The following TTC33 variants were observed in gnomAD, a reference collection of about 807,000 sequenced individuals.
The protein encoded by TTC33 is tetratricopeptide repeat domain 33.
A neutral mutation model predicts 29.4 loss-of-function variants in TTC33; 24 were observed. That is an observed-to-expected ratio of 0.82 (90% CI 0.59 to 1.15). The LOEUF is 1.15. Ranked by LOEUF, TTC33 falls within the 50% of genes most tolerant of loss-of-function variation. The pLI is 0.00. For synonymous variants in TTC33, 107 were observed against 100.3 expected, an observed-to-expected ratio of 1.07 and a Z score of -0.40; for missense variants, 286 against 310.4, an observed-to-expected ratio of 0.92 and a Z score of 0.59.
intron 1 of TTC33, among the ~76,000 whole-genome samples, chr5:40,748,811 A>G (rs1197911257): frequency 6.6e-6 from 1 of 152,212 alleles, no homozygotes; most frequent in Non-Finnish European, 1.5e-5. Context: ...TAAACGACTT[A>G]ACTCACAAAA....
chr5:40,732,170 C>T (rs1742445529), intron 2 of TTC33, among the ~76,000 whole-genome samples: 1 of 152,050 alleles, frequency 6.6e-6, no homozygotes, highest in South Asian at 2.1e-4. Context: ...CCACTATGGC[C>T]AGCTAATTTT....
chr5:40,732,528 T>G (rs1378124936), intron 2 of TTC33, among the ~76,000 whole-genome samples: 2 of 151,870 alleles, frequency 1.3e-5, no homozygotes, highest in African/African-American at 2.4e-5. Context: ...TCTAATGAGT[T>G]CAGGAACCAA....
intron 2 of TTC33, among the ~76,000 whole-genome samples, chr5:40,744,472 T>C (rs930086409): frequency 6.3e-5 from 9 of 143,392 alleles, no homozygotes; most frequent in Admixed American, 5.8e-4. Context: ...AGAAATCTTA[T>C]CACCACTCTT....
intron 3 of TTC33, among the ~76,000 whole-genome samples, chr5:40,729,914 G>T (rs1304349539): frequency 3.3e-5 from 5 of 152,148 alleles, no homozygotes; most frequent in Non-Finnish European, 7.3e-5. Context: ...GGTCAGGGTG[G>T]TCTCGAACTT....
chr5:40,747,504 C>T (rs1237693724), intron 1 of TTC33, among the ~76,000 whole-genome samples: 1 of 152,142 alleles, frequency 6.6e-6, no homozygotes, highest in African/African-American at 2.4e-5. Context: ...GACAACTGGA[C>T]ATCACACACC....
At chr5:40,741,850 G>A (rs531861371) in intron 2 of TTC33, among the ~76,000 whole-genome samples, 49 of 152,128 alleles carry the variant, frequency 3.2e-4, no homozygotes, top group African/African-American at 4.6e-4. Flanking sequence ...TTAGCCAGGC[G>A]TGGTGGCACA....
intron 4 of TTC33, among the ~76,000 whole-genome samples, chr5:40,722,746 G>T (rs1238592530): frequency 6.6e-6 from 1 of 150,954 alleles, no homozygotes; most frequent in East Asian, 2.0e-4. Flanking sequence ...GGCAGCCCCT[G>T]CCCGGCCAGA....
In TTC33 at chr5:40,730,321, A is replaced by T; in HGVS notation, c.244T>A (p.Trp82Arg). 1 of 1,613,072 alleles carries T rather than the reference A, an allele frequency of 6.2e-7. No homozygotes were observed. Residue 82 changes from tryptophan to arginine, a missense_variant, in exon 3 of 5, where the codon TGG becomes AGG. Physicochemically the swap from Trp to Arg is moderately radical, Grantham distance 101 (BLOSUM62 -3). Transcript: ENST00000337702. ...NKRYREAIQK[W>R]DEALQLTPND... ...GGAGTTAACTGTAGTGCTTCATCCC[A>T]CTTCTGAATTGCCTCCCGATATCTG...
rs1561151137 is a variant in TTC33 at position 40,738,489 on chromosome 5, C to CAATAAAATAA, written c.222-8147_222-8146insTTATTTTATT. Among the ~76,000 whole-genome samples the CAATAAAATAA allele has an allele frequency of 1.9e-3, 188 of 101,614 alleles. 1 individual carries two copies. The highest frequency in any genetic ancestry group is 6.5e-3 in the African/African-American group (181 of 27,854). The allele number at this position is 101,614 out of a possible 152,430, so 66.7% of individuals were successfully genotyped here. A position where few individuals can be genotyped will look rare whatever the true frequency, so the allele number is the denominator to read the frequency against. The stretch of plus-strand genomic sequence containing the variant: ...CAATACAATACAATACAATACAATA[C>CAATAAAATAA]AATACAATACAATACAATAAAATAC... On this transcript the variant is annotated intron_variant, in intron 2 of 4. Coordinates refer to ENST00000337702, the MANE Select transcript of TTC33 (RefSeq NM_012382.3).
At chr5:40,751,775 GGT>G (rs1742899583) in intron 1 of TTC33, among the ~76,000 whole-genome samples, 1 of 152,086 alleles carries the variant, frequency 6.6e-6, no homozygotes, top group South Asian at 2.1e-4. Flanking sequence ...TGGCCAACAT[GGT>G]GAAGCCCTGT....
chr5:40,736,781 G>A (rs1369684775), intron 2 of TTC33, among the ~76,000 whole-genome samples: 1 of 152,082 alleles, frequency 6.6e-6, no homozygotes, highest in Non-Finnish European at 1.5e-5. Context: ...CTATGAGGTA[G>A]AAATTGACAA....
chr5:40,746,677 T>C, intron 2 of TTC33, 121 bp downstream of exon 2: 1 of 744,900 alleles, frequency 1.3e-6, no homozygotes, highest in Non-Finnish European at 2.1e-6. Context: ...TTGATTAATT[T>C]AGCACCTAGA....
At chr5:40,726,196 A>G (rs1364312611) in intron 4 of TTC33, among the ~76,000 whole-genome samples, 1 of 145,534 alleles carries the variant, frequency 6.9e-6, no homozygotes, top group African/African-American at 2.6e-5. Context: ...TAAAATGTAT[A>G]CCATATACAT....
chr5:40,753,852 A>G (rs1284715799), intron 1 of TTC33, among the ~76,000 whole-genome samples: 1 of 152,156 alleles, frequency 6.6e-6, no homozygotes, highest in Non-Finnish European at 1.5e-5. Context: ...ACTCATACTA[A>G]AGGACACCTA....
intron 4 of TTC33, among the ~76,000 whole-genome samples, chr5:40,721,099 G>T (rs761680412): frequency 6.6e-6 from 1 of 152,108 alleles, no homozygotes; most frequent in Non-Finnish European, 1.5e-5. Flanking sequence ...GGGAAGAAAA[G>T]AATTGGTCCA....
intron 1 of TTC33, among the ~76,000 whole-genome samples, chr5:40,750,258 T>G (rs1273347674): frequency 1.3e-5 from 2 of 151,878 alleles, no homozygotes; most frequent in East Asian, 3.9e-4. Context: ...GGCTGGTGGC[T>G]GTGACAATTT....
In TTC33 at chr5:40,753,614, G is replaced by A. The variant is rs554543089; in HGVS notation, c.-2+2210C>T. Among the ~76,000 whole-genome samples the A allele has an allele frequency of 1.6e-4, 24 of 152,218 alleles. No individual in the cohort carries two copies. In the South Asian group the frequency reaches 4.6e-3, roughly 29 times the overall value. ...GAAGATGGCTGAAAACAGAAGTGTG[G>A]ATACTATGGAACAGAAGTTAAAAGG... On this transcript the variant is annotated intron_variant, in intron 1 of 4. Coordinates refer to ENST00000337702, the MANE Select transcript of TTC33 (RefSeq NM_012382.3).
intron 4 of TTC33, among the ~76,000 whole-genome samples, chr5:40,726,048 G>A (rs962037973): frequency 3.3e-5 from 5 of 151,664 alleles, no homozygotes; most frequent in African/African-American, 9.7e-5. Context: ...GCCTCCCAAA[G>A]TGCTGGGATT....
intron 4 of TTC33, among the ~76,000 whole-genome samples, chr5:40,718,210 C>A (rs1742047774): frequency 6.6e-6 from 1 of 151,650 alleles, no homozygotes; most frequent in Non-Finnish European, 1.5e-5. Context: ...CACTCAAGAC[C>A]AGGAGTTCAA....
Sources: gnomAD v4.1 joint callset for allele counts (sites outside exome capture counted in the v4.1 genomes callset) on GRCh38, gnomAD v4.1.1 for gene constraint, MANE v1.5 for transcripts, NCBI Gene and HGNC (gene_info 2026-07-23, HGNC 2026-07-21) for gene names.